The following MTM1 variants were observed in gnomAD, a reference collection of about 807,000 sequenced individuals.
MTM1 encodes myotubularin.
In MTM1, 9 loss-of-function variants were observed where a neutral mutation model predicts 52.1. That is an observed-to-expected ratio of 0.17 (90% CI 0.10 to 0.30). The LOEUF (loss-of-function observed/expected upper bound fraction) is 0.30, where lower values mean the gene tolerates loss of function less well. Among genes scored for constraint, MTM1 ranks in the 10% least tolerant of loss-of-function variants. The probability of loss-of-function intolerance (pLI) is 1.00; values close to 1 mark genes in which losing one functional copy is unlikely to be tolerated. For missense variants in MTM1, 277 were observed against 470.7 expected (o/e 0.59, Z 3.81); for synonymous variants, 136 against 163.8 (o/e 0.83, Z 1.29).
chrX:150,588,446 C>T (rs781934742), intron 1 of MTM1, among the ~76,000 whole-genome samples: 10 of 112,188 alleles, frequency 8.9e-5, no homozygotes, highest in Non-Finnish European at 1.7e-4. Context: ...AAATTATTTT[C>T]TAGTTCTGCT....
chrX:150,651,485 GTTTT>G (rs56302527), intron 10 of MTM1, among the ~76,000 whole-genome samples: 6 of 74,840 alleles, frequency 8.0e-5, no homozygotes, highest in African/African-American at 3.1e-4. Flanking sequence ...CAATTAGGTT[GTTTT>G]TTTTTTTTTT....
chrX:150,617,823 T>C (rs222391), intron 5 of MTM1, among the ~76,000 whole-genome samples: 25,378 of 111,079 alleles, frequency 0.23, 3,305 homozygotes, highest in African/African-American at 0.5. Flanking sequence ...AGTGGCTCCA[T>C]GGTCCAGCAC....
Position 150,671,889 on chromosome X carries a change from A to G in MTM1, c.*294A>G, listed in dbSNP as rs1251315955. Reference sequence around the variant, plus strand: ...TAATTTACGTCTTGAGAAATACTATATATACAATATATATTTTGTGGGCTT... The same window carrying G: ...TAATTTACGTCTTGAGAAATACTATGTATACAATATATATTTTGTGGGCTT... On this transcript the variant is annotated 3_prime_UTR_variant, in exon 15 of 15. Transcript: ENST00000370396. The G allele has an allele frequency of 6.7e-6, 2 of 297,588 alleles. No homozygotes were observed. The highest frequency in any genetic ancestry group is 5.7e-5 in the Admixed American group (1 of 17,600). 24.5% of individuals were successfully genotyped at this position (297,588 alleles called of 1,213,427 possible).
chrX:150,583,458 AAT>A (rs1218403372), intron 1 of MTM1, among the ~76,000 whole-genome samples: 9 of 30,676 alleles, frequency 2.9e-4, no homozygotes, highest in Non-Finnish European at 3.5e-4. Flanking sequence ...TATTATATAT[AAT>A]TATAAATATA....
intron 4 of MTM1, among the ~76,000 whole-genome samples, chrX:150,605,187 A>G (rs782640828): frequency 1.8e-5 from 2 of 112,290 alleles, no homozygotes; most frequent in Admixed American, 9.4e-5. Context: ...GGTAATCACC[A>G]TCCAAAAGTT....
At chrX:150,631,667 C>CAAAAAAAAAAAAA (rs34042424) in intron 6 of MTM1, among the ~76,000 whole-genome samples, 1 of 35,453 alleles carries the variant, frequency 2.8e-5, no homozygotes, top group Non-Finnish European at 4.4e-5. Context: ...ACTCCATCTC[C>CAAAAAAAAAAAAA]AAAAAAAAAA....
At chrX:150,660,237 C>T in intron 12 of MTM1, 134 bp from the exon 13 acceptor site, 1 of 483,588 alleles carries the variant, frequency 2.1e-6, no homozygotes, top group Non-Finnish European at 3.6e-6. Flanking sequence ...AGTGTGTGTG[C>T]AGATTACAGC....
intron 4 of MTM1, among the ~76,000 whole-genome samples, chrX:150,604,840 G>T (rs1182945364): frequency 1.8e-5 from 2 of 110,399 alleles, no homozygotes. Context: ...CCCTAGCCAG[G>T]TGTTCACGGT....
intron 6 of MTM1, among the ~76,000 whole-genome samples, chrX:150,629,564 G>C (rs782397388): frequency 3.6e-5 from 4 of 112,107 alleles, no homozygotes; most frequent in Non-Finnish European, 5.6e-5. Flanking sequence ...GTTCATAGTA[G>C]AGCCTCAGTA....
intron 10 of MTM1, among the ~76,000 whole-genome samples, chrX:150,650,902 C>T (rs1043981305): frequency 3.6e-5 from 4 of 111,848 alleles, no homozygotes; most frequent in African/African-American, 1.3e-4. Flanking sequence ...TAACCTGCAA[C>T]TACAGAAATC....
intron 10 of MTM1, among the ~76,000 whole-genome samples, chrX:150,652,694 CATACATACAG>C (rs1165168260): frequency 2.2e-5 from 2 of 89,956 alleles, no homozygotes; most frequent in Non-Finnish European, 4.3e-5. Flanking sequence ...CACACACACA[CATACATACAG>C]AATTTAGAAA....
At chrX:150,655,324 CAAAAAAA>C (rs782639017) in intron 10 of MTM1, among the ~76,000 whole-genome samples, 1 of 42,662 alleles carries the variant, frequency 2.3e-5, no homozygotes. Flanking sequence ...GACTCTGTCT[CAAAAAAA>C]AAAAAAAAAA....
intron 2 of MTM1, among the ~76,000 whole-genome samples, chrX:150,594,739 T>C (rs1480043473): frequency 1.8e-5 from 2 of 112,270 alleles, no homozygotes; most frequent in African/African-American, 3.2e-5. Context: ...TAATCCCATG[T>C]TATCCTGTTT....
At chrX:150,567,472 T>C (rs2038277490), upstream of MTM1, among the ~76,000 whole-genome samples, 1 of 111,991 alleles carries the variant, frequency 8.9e-6, no homozygotes, top group Non-Finnish European at 1.9e-5. Context: ...AAAGTCATCC[T>C]ATTTACTCGA....
At chrX:150,654,645 T>G (rs2040080122) in intron 10 of MTM1, among the ~76,000 whole-genome samples, 2 of 111,691 alleles carry the variant, frequency 1.8e-5, no homozygotes, top group Non-Finnish European at 3.8e-5. Context: ...AAGGGGTAAA[T>G]GTACAGGTAT....
chrX:150,656,349 A>ACT (rs1161804913), intron 10 of MTM1, among the ~76,000 whole-genome samples: 2 of 111,610 alleles, frequency 1.8e-5, no homozygotes, highest in African/African-American at 3.3e-5. Flanking sequence ...ACACACACAC[A>ACT]CAGTGAGACT....
chrX:150,594,290 A>C (rs1241374587), intron 2 of MTM1, among the ~76,000 whole-genome samples: 6 of 109,416 alleles, frequency 5.5e-5, no homozygotes, highest in Non-Finnish European at 1.1e-4. Flanking sequence ...TTGTATTTTT[A>C]GTAGAGTTGG....
chrX:150,566,110 G>A (rs781970686), upstream of MTM1, among the ~76,000 whole-genome samples: 11 of 110,684 alleles, frequency 9.9e-5, no homozygotes, highest in Non-Finnish European at 1.7e-4. Flanking sequence ...AGGGCAAGGC[G>A]GTAACCCCTC....
Position 150,672,287 on chromosome X carries a change from GTTTTA to G in MTM1, c.*697_*701del, listed in dbSNP as rs1373287090. On this transcript the variant is annotated 3_prime_UTR_variant, in exon 15 of 15. Transcript: ENST00000370396. ...TGATTTGCATTTTTTAAATTTGCCA[GTTTTA>G]TTTTCTAAATTCTTTCATGAGCTTG... is the stretch of plus-strand genomic sequence containing the variant. 2.7e-5 allele frequency: 3 copies of G among 112,311 alleles called. No individual in the cohort carries two copies. Among genetic ancestry groups the G allele is most frequent in the South Asian group, 3.7e-4 (1 of 2,722 alleles). The allele number at this position is 112,311 out of a possible 1,213,427, so 9.3% of individuals were successfully genotyped here.
Sources: gnomAD v4.1 joint callset for allele counts (sites outside exome capture counted in the v4.1 genomes callset) on GRCh38, gnomAD v4.1.1 for gene constraint, MANE v1.5 for transcripts, NCBI Gene and HGNC (gene_info 2026-07-23, HGNC 2026-07-21) for gene names.